Variants in USP18 observed in about 807,000 individuals in gnomAD.
USP18 encodes ubl carboxyl-terminal hydrolase 18.
In USP18, 11 loss-of-function variants were observed where a neutral mutation model predicts 48.7. The ratio of observed to expected loss-of-function variants is 0.23; its 90% CI spans 0.14 to 0.37. USP18 has a LOEUF of 0.37. Among genes scored for constraint, USP18 ranks in the 10% least tolerant of loss-of-function variants. The probability of loss-of-function intolerance (pLI) is 1.00; values close to 1 mark genes in which losing one functional copy is unlikely to be tolerated. For missense variants in USP18, 285 were observed against 436.4 expected, an observed-to-expected ratio of 0.65 and a Z score of 3.09; for synonymous variants, 114 against 163.2, an observed-to-expected ratio of 0.70 and a Z score of 2.30.
Position 18,173,894 on chromosome 22 carries a change from T to C in USP18, c.1073+52T>C, listed in dbSNP as rs749167048. 11 of 1,502,862 alleles carry C rather than the reference T, an allele frequency of 7.3e-6. No homozygotes were observed. In the African/African-American group the frequency reaches 9.7e-5, roughly 13 times the overall value. The allele number at this position is 1,502,862 out of a possible 1,614,324, so 93.1% of individuals were successfully genotyped here. On this transcript the variant is annotated intron_variant, in intron 10 of 10. Coordinates refer to ENST00000215794, the MANE Select transcript of USP18 (RefSeq NM_017414.4). ...GTCTGATGAGCTCACATAGGGTCCT[T>C]GGAGCTGCATGAAACGCCCATGGAT...
intron 1 of USP18, 48 bp from the exon 2 acceptor site, chr22:18,157,510 A>T (rs1033032019): frequency 7.3e-6 from 7 of 957,466 alleles, no homozygotes; most frequent in African/African-American, 6.6e-5. Context: ...ACATGAATAC[A>T]CATTCCTCCT....
chr22:18,160,307 TTC>T (rs1344186083), intron 3 of USP18, 39 bp downstream of exon 3: 2 of 1,611,214 alleles, frequency 1.2e-6, no homozygotes, highest in Non-Finnish European at 1.7e-6. Flanking sequence ...TTTGTATTAT[TTC>T]TTTTTCCTTT....
intron 1 of USP18, among the ~76,000 whole-genome samples, chr22:18,155,029 C>A (rs1324446348): frequency 6.6e-6 from 1 of 152,222 alleles, no homozygotes; most frequent in Non-Finnish European, 1.5e-5. Flanking sequence ...GGTTGGAATT[C>A]TTTGGCCACT....
In USP18 at chr22:18,167,912, A is replaced by G; in HGVS notation, c.503A>G (p.Tyr168Cys). 6.2e-7 allele frequency: 1 copy of G among 1,613,902 alleles called. No individual in the cohort carries two copies. The highest frequency in any genetic ancestry group is 2.2e-5 in the East Asian group (1 of 44,866). Residue 168 changes from tyrosine (Y) to cysteine (C), a missense_variant, in exon 6 of 11, where the codon TAT becomes TGT. Physicochemically the swap from Tyr to Cys is radical, Grantham distance 194 (BLOSUM62 -2). Transcript: ENST00000215794. ...VHLVERLQAL[Y>C]TIRVKDSLIC... ...CAGGTGGAGAGACTGCAGGCCCTGT[A>G]TACGATCCGGGTGAAGGACTCCTTG...
intron 4 of USP18, among the ~76,000 whole-genome samples, chr22:18,164,133 G>A (rs1333066941): frequency 2.6e-5 from 4 of 152,178 alleles, no homozygotes; most frequent in Admixed American, 1.3e-4. Flanking sequence ...GAAGCTTGAC[G>A]CTATCTGTTG....
At chr22:18,160,766 A>G (rs1027118119) in intron 3 of USP18, among the ~76,000 whole-genome samples, 12 of 131,904 alleles carry the variant, frequency 9.1e-5, no homozygotes, top group Non-Finnish European at 1.6e-4. Flanking sequence ...AAGTATTGGT[A>G]CTTTTTTTTT....
At chr22:18,162,287 G>GTT (rs869289414) in intron 4 of USP18, among the ~76,000 whole-genome samples, 133 of 137,216 alleles carry the variant, frequency 9.7e-4, no homozygotes, top group African/African-American at 2.7e-3. Flanking sequence ...AATAGGTTAG[G>GTT]TTTTTTTTTT....
chr22:18,159,968 C>T (rs1432065415), intron 2 of USP18, among the ~76,000 whole-genome samples: 4 of 151,978 alleles, frequency 2.6e-5, no homozygotes, highest in African/African-American at 9.7e-5. Flanking sequence ...TGAGCCACCG[C>T]ACCCGGCTGA....
chr22:18,152,663 C>A (rs1041335250), intron 1 of USP18, among the ~76,000 whole-genome samples: 1 of 151,918 alleles, frequency 6.6e-6, no homozygotes, highest in African/African-American at 2.4e-5. Context: ...GCTTATTGCC[C>A]CTGCTAACTT....
chr22:18,173,977 C>A (rs1372548521), intron 10 of USP18, 135 bp downstream of exon 10: 3 of 1,255,554 alleles, frequency 2.4e-6, no homozygotes, highest in East Asian at 5.0e-5. Flanking sequence ...GCACTCACCC[C>A]ACCACCCCAT....
intron 1 of USP18, among the ~76,000 whole-genome samples, chr22:18,156,973 AC>A (rs1319936126): frequency 6.6e-5 from 10 of 152,104 alleles, no homozygotes; most frequent in Non-Finnish European, 2.9e-5. Flanking sequence ...GTACACGGGT[AC>A]CCCTATGGCC....
intron 1 of USP18, among the ~76,000 whole-genome samples, chr22:18,150,688 G>T (rs1220034207): frequency 6.6e-6 from 1 of 152,208 alleles, no homozygotes; most frequent in Admixed American, 6.5e-5. Context: ...TGATTCGGCC[G>T]GGTACGGTGG....
chr22:18,171,635 A>C (rs551410239), intron 8 of USP18, among the ~76,000 whole-genome samples: 1 of 152,072 alleles, frequency 6.6e-6, no homozygotes, highest in African/African-American at 2.4e-5. Flanking sequence ...CGTCTCTAAA[A>C]ACAAAACAAG....
At chr22:18,156,953 T>C (rs1427467144) in intron 1 of USP18, among the ~76,000 whole-genome samples, 1 of 139,246 alleles carries the variant, frequency 7.2e-6, no homozygotes, top group Non-Finnish European at 1.5e-5. Context: ...CTGTGCTGGG[T>C]TGGGGGAGGG....
chr22:18,158,515 T>G (rs1481271354), intron 2 of USP18, among the ~76,000 whole-genome samples: 3 of 152,162 alleles, frequency 2.0e-5, no homozygotes, highest in African/African-American at 7.2e-5. Context: ...GACCCCAGGT[T>G]GTTACTTTCT....
chr22:18,154,728 A>G (rs1929084887), intron 1 of USP18, among the ~76,000 whole-genome samples: 1 of 152,176 alleles, frequency 6.6e-6, no homozygotes, highest in Non-Finnish European at 1.5e-5. Flanking sequence ...GGCCTGAGCC[A>G]CCATGCCAGG....
intron 4 of USP18, among the ~76,000 whole-genome samples, chr22:18,163,652 GA>G (rs544573227): frequency 0.017 from 2,200 of 131,192 alleles, 57 homozygotes; most frequent in African/African-American, 0.057. Flanking sequence ...CAGAAAAAAA[GA>G]AAAAAAAAAA....
rs780516925 is a variant in USP18 at position 18,160,234 on chromosome 22, G to A, written c.220G>A (p.Val74Ile). 34 of 1,614,044 alleles carry A rather than the reference G, an allele frequency of 2.1e-5. No homozygotes were observed. In the Admixed American group the frequency reaches 2.7e-4, roughly 13 times the overall value. ...CCTTAACTCCTTGATTCAGGTGTTC[G>A]TAATGAATGTGGACTTCACCAGGAT... ...CCLNSLIQVF[V>I]MNVDFTRILK... The change falls in exon 3 of 11, where the codon GTA becomes ATA. Residue 74 changes from valine (V) to isoleucine (I), a missense_variant. Coordinates refer to ENST00000215794, the MANE Select transcript of USP18 (RefSeq NM_017414.4).
At chr22:18,165,649 G>C (rs114114620) in intron 4 of USP18, among the ~76,000 whole-genome samples, 1 of 151,958 alleles carries the variant, frequency 6.6e-6, no homozygotes, top group Non-Finnish European at 1.5e-5. Context: ...GATTGAGAAC[G>C]GGCAAGTTCT....
Sources: gnomAD v4.1 joint callset for allele counts (sites outside exome capture counted in the v4.1 genomes callset) on GRCh38, gnomAD v4.1.1 for gene constraint, MANE v1.5 for transcripts, NCBI Gene and HGNC (gene_info 2026-07-23, HGNC 2026-07-21) for gene names.